Variants in ZNF846 observed in about 807,000 individuals in gnomAD.
The protein encoded by ZNF846 is zinc finger protein 420 pseudogene.
In ZNF846, 15 loss-of-function variants were observed where a neutral mutation model predicts 16.0. The ratio of observed to expected loss-of-function variants is 0.94; its 90% CI spans 0.63 to 1.45. The LOEUF (loss-of-function observed/expected upper bound fraction) is 1.45, where lower values mean the gene tolerates loss of function less well. Ranked by LOEUF, ZNF846 falls within the 40% of genes most tolerant of loss-of-function variation. The pLI, the probability that ZNF846 is intolerant of heterozygous loss-of-function variation, is 0.00. For synonymous variants in ZNF846, 229 were observed against 212.0 expected, an observed-to-expected ratio of 1.08 and a Z score of -0.70; for missense variants, 714 against 622.3, an observed-to-expected ratio of 1.15 and a Z score of -1.57.
chr19:9,767,804 C>T lies in ZNF846; in HGVS notation c.-86+485G>A, dbSNP rs1310865322. On this transcript the variant is annotated intron_variant, in intron 1 of 5. Transcript: ENST00000397902. ...GCAAAATTAGCCGGGCGTGGTGGCA[C>T]ATGCCTGTAATCCCAGTTACTCAGC... Among the ~76,000 whole-genome samples, 8 of 152,174 alleles carry T rather than the reference C, an allele frequency of 5.3e-5. No individual in the cohort carries two copies. In the East Asian group the frequency reaches 1.5e-3, roughly 29 times the overall value.
chr19:9,756,630 C>T (rs1352276093), downstream of ZNF846: 1 of 151,258 alleles, frequency 6.6e-6, no homozygotes, highest in Non-Finnish European at 1.5e-5. Flanking sequence ...CATATATAGG[C>T]TATCTGCCCA....
At chr19:9,773,218 G>C (rs113554902), upstream of ZNF846, among the ~76,000 whole-genome samples, 123 of 152,234 alleles carry the variant, frequency 8.1e-4, no homozygotes, top group African/African-American at 2.8e-3. Context: ...GTTTGAGATA[G>C]GGTCTTCCTA....
At chr19:9,756,385 A>ATATATATAT (rs71188838), downstream of ZNF846, 1 of 133,594 alleles carries the variant, frequency 7.5e-6, no homozygotes, top group Non-Finnish European at 1.6e-5. Context: ...ATATATATAT[A>ATATATATAT]AAGACATTCC....
Position 9,765,444 on chromosome 19 carries a change from G to A in ZNF846, c.-85-409C>T, listed in dbSNP as rs139398780. ...TCCCAGCACTTTGGGAGGCCGAGGCGGGTGGATCACGAGGTTAGGAGATCG... is the reference window on the plus strand; with the variant it reads ...TCCCAGCACTTTGGGAGGCCGAGGCAGGTGGATCACGAGGTTAGGAGATCG... On this transcript the variant is annotated intron_variant, in intron 1 of 5. Coordinates refer to ENST00000397902, the Ensembl canonical transcript of ZNF846. 3.6e-3 allele frequency among the ~76,000 whole-genome samples: 555 copies of A among 152,162 alleles called. 4 individuals are homozygous for A. Among genetic ancestry groups the A allele is most frequent in the African/African-American group, 0.012 (497 of 41,504 alleles).
intron 2 of ZNF846, 164 bp downstream of exon 2, chr19:9,764,772 G>T (rs1443490726): frequency 2.5e-6 from 2 of 788,562 alleles, no homozygotes; most frequent in Non-Finnish European, 4.3e-6. Flanking sequence ...TGCAATCTCT[G>T]TACAACCTGA....
intron 1 of ZNF846, among the ~76,000 whole-genome samples, chr19:9,765,507 C>G (rs2045301131): frequency 6.6e-6 from 1 of 151,968 alleles, no homozygotes; most frequent in Non-Finnish European, 1.5e-5. Flanking sequence ...CCCGTCTCTA[C>G]TAAAGCTACA....
intron 5 of ZNF846, among the ~76,000 whole-genome samples, chr19:9,759,343 T>A (rs1175372082): frequency 1.3e-5 from 2 of 151,390 alleles, no homozygotes; most frequent in Admixed American, 1.3e-4. Flanking sequence ...GGCTCATGAC[T>A]GTAATCCCAG....
At chr19:9,757,030 C>T (rs1206014399), downstream of ZNF846, among the ~76,000 whole-genome samples, 1 of 147,072 alleles carries the variant, frequency 6.8e-6, no homozygotes, top group Non-Finnish European at 1.5e-5. Flanking sequence ...CCTGTCTCTA[C>T]TAAAAATACA....
At chr19:9,763,129 A>T (rs1446116668) in intron 3 of ZNF846, among the ~76,000 whole-genome samples, 153 bp downstream of exon 3, 2 of 146,272 alleles carry the variant, frequency 1.4e-5, no homozygotes, top group East Asian at 3.9e-4. Context: ...TGGGCAATAG[A>T]GCCAGACTGT....
chr19:9,769,059 C>G (rs1033678749), upstream of ZNF846, among the ~76,000 whole-genome samples: 3 of 152,164 alleles, frequency 2.0e-5, no homozygotes, highest in African/African-American at 7.2e-5. Context: ...GGATGCTCAT[C>G]GAGTGCTTTT....
chr19:9,752,966 G>A (rs2045098614), downstream of ZNF846, among the ~76,000 whole-genome samples: 1 of 148,376 alleles, frequency 6.7e-6, no homozygotes, highest in African/African-American at 2.6e-5. Flanking sequence ...GAGTTCTGGA[G>A]ATTAGGTCAA....
intron 1 of ZNF846, among the ~76,000 whole-genome samples, chr19:9,767,359 T>C (rs960337309): frequency 2.0e-5 from 3 of 151,856 alleles, no homozygotes; most frequent in Non-Finnish European, 4.4e-5. Context: ...GGTCTGGAAC[T>C]CCCAACCTCA....
At chr19:9,755,617 G>A (rs1017749961), downstream of ZNF846, 9 of 149,100 alleles carry the variant, frequency 6.0e-5, 1 homozygote, top group African/African-American at 1.5e-4. Context: ...CGGCTAAAAC[G>A]GTGAAACCCC....
At chr19:9,777,455 G>A (rs745366621) in intron 1 of ZNF846, among the ~76,000 whole-genome samples, 2 of 151,502 alleles carry the variant, frequency 1.3e-5, no homozygotes, top group African/African-American at 4.9e-5. Flanking sequence ...GGCAGATCAC[G>A]AGGTCAGGAG....
At chr19:9,748,964 AGTT>A (rs2045064408), downstream of ZNF846, among the ~76,000 whole-genome samples, 3 of 152,276 alleles carry the variant, frequency 2.0e-5, no homozygotes, top group South Asian at 6.2e-4. Flanking sequence ...CTGGATGATC[AGTT>A]GTTGTTAAGA....
intron 1 of ZNF846, among the ~76,000 whole-genome samples, chr19:9,767,364 A>G (rs938493764): frequency 2.6e-5 from 4 of 151,758 alleles, no homozygotes; most frequent in Non-Finnish European, 5.9e-5. Flanking sequence ...GGAACTCCCA[A>G]CCTCAGGTGA....
intron 1 of ZNF846, among the ~76,000 whole-genome samples, chr19:9,783,812 C>G (rs931508295): frequency 1.3e-5 from 2 of 151,756 alleles, no homozygotes; most frequent in Non-Finnish European, 2.9e-5. Flanking sequence ...CCTCAGCCCC[C>G]CAAGTAGTTG....
intron 1 of ZNF846, among the ~76,000 whole-genome samples, chr19:9,779,181 T>C (rs1358142289): frequency 6.6e-6 from 1 of 152,188 alleles, no homozygotes; most frequent in Non-Finnish European, 1.5e-5. Flanking sequence ...TTCAGCCAAC[T>C]GTAGCTTCGG....
chr19:9,782,310 G>A (rs1247780959), intron 1 of ZNF846, among the ~76,000 whole-genome samples: 4 of 152,078 alleles, frequency 2.6e-5, no homozygotes, highest in Non-Finnish European at 5.9e-5. Context: ...CTCTCACCCA[G>A]GCTAGAGTGC....
Sources: allele counts gnomAD v4.1 joint callset (sites outside exome capture counted in the v4.1 genomes callset), GRCh38; gene constraint gnomAD v4.1.1; transcripts MANE v1.5; gene names NCBI Gene and HGNC (gene_info 2026-07-23, HGNC 2026-07-21).